The following ERBB4 variants were observed in gnomAD, a reference collection of about 807,000 sequenced individuals.
ERBB4 encodes erb-b2 receptor tyrosine kinase 4.
Under a neutral mutation model 158.0 loss-of-function variants are expected in ERBB4, and 42 were observed. The observed-to-expected ratio is 0.27, with a 90% CI of 0.21 to 0.34. The LOEUF is 0.34. ERBB4 is among the 10% of genes least tolerant of loss of function. The probability of loss-of-function intolerance (pLI) is 1.00; values close to 1 mark genes in which losing one functional copy is unlikely to be tolerated. For synonymous variants in ERBB4, 583 were observed against 558.7 expected (o/e 1.04, Z -0.61); for missense variants, 1,333 against 1,624.1 (o/e 0.82, Z 3.08).
At chr2:211,767,905 C>T (rs1233247626) in intron 4 of ERBB4, among the ~76,000 whole-genome samples, 1 of 152,168 alleles carries the variant, frequency 6.6e-6, no homozygotes, top group African/African-American at 2.4e-5. Flanking sequence ...TAATCATGCC[C>T]TCCCAACAGA....
At chr2:211,686,069 AT>A (rs536483262) in intron 12 of ERBB4, among the ~76,000 whole-genome samples, 17 of 151,598 alleles carry the variant, frequency 1.1e-4, no homozygotes, top group African/African-American at 4.1e-4. Flanking sequence ...GAATAGAGAG[AT>A]TTTTTTTCCT....
chr2:211,893,735 C>T (rs2125012385), intron 3 of ERBB4, among the ~76,000 whole-genome samples: 1 of 121,734 alleles, frequency 8.2e-6, no homozygotes, highest in African/African-American at 3.7e-5. Flanking sequence ...ACAACCCCAT[C>T]AAAAAGTGGG....
At chr2:212,394,686 T>C (rs915948950) in intron 1 of ERBB4, among the ~76,000 whole-genome samples, 3 of 152,142 alleles carry the variant, frequency 2.0e-5, no homozygotes, top group Non-Finnish European at 1.5e-5. Flanking sequence ...ATTTTCTCTA[T>C]ACTTACCTTG....
chr2:211,847,769 A>G (rs949811421), intron 3 of ERBB4, among the ~76,000 whole-genome samples: 3 of 152,072 alleles, frequency 2.0e-5, no homozygotes, highest in Non-Finnish European at 4.4e-5. Flanking sequence ...CACTTCTATT[A>G]CCAGTAGTGC....
intron 2 of ERBB4, among the ~76,000 whole-genome samples, chr2:212,021,773 G>C (rs987843516): frequency 1.3e-5 from 2 of 151,896 alleles, no homozygotes; most frequent in African/African-American, 2.4e-5. Flanking sequence ...ACTATCATCA[G>C]AATGAACAGA....
intron 2 of ERBB4, among the ~76,000 whole-genome samples, chr2:211,996,001 T>G (rs1192682709): frequency 6.6e-6 from 1 of 152,198 alleles, no homozygotes; most frequent in Non-Finnish European, 1.5e-5. Context: ...AAGGTATTCT[T>G]GTTTGGGGCT....
At chr2:211,736,335 T>G (rs2074600712) in intron 5 of ERBB4, among the ~76,000 whole-genome samples, 2 of 152,220 alleles carry the variant, frequency 1.3e-5, no homozygotes, top group African/African-American at 2.4e-5. Context: ...GGAATAATGC[T>G]GAGCCTAATC....
intron 20 of ERBB4, among the ~76,000 whole-genome samples, chr2:211,557,670 G>A (rs762356377): frequency 2.7e-4 from 41 of 151,982 alleles, no homozygotes; most frequent in Admixed American, 9.2e-4. Context: ...TACATGGTGG[G>A]AGCATAAATT....
chr2:211,663,485 T>C (rs2071508672), intron 15 of ERBB4, among the ~76,000 whole-genome samples: 1 of 152,176 alleles, frequency 6.6e-6, no homozygotes, highest in Admixed American at 6.5e-5. Flanking sequence ...TGAGATTTCT[T>C]CCCCATTACA....
intron 16 of ERBB4, among the ~76,000 whole-genome samples, chr2:211,655,969 A>T (rs778218984): frequency 6.6e-6 from 1 of 152,364 alleles, no homozygotes; most frequent in Admixed American, 6.5e-5. Context: ...TATTTTAAAA[A>T]CATGTAAAGG....
chr2:212,292,311 A>G (rs2086235282), intron 1 of ERBB4, among the ~76,000 whole-genome samples: 1 of 152,144 alleles, frequency 6.6e-6, no homozygotes, highest in Admixed American at 6.5e-5. Context: ...CATCTTATAC[A>G]TAAAAAATGA....
chr2:212,054,342 T>C (rs533872953), intron 2 of ERBB4, among the ~76,000 whole-genome samples: 2 of 152,264 alleles, frequency 1.3e-5, no homozygotes, highest in Admixed American at 6.5e-5. Context: ...CTGGAACAGA[T>C]GTAGGCCACA....
intron 3 of ERBB4, among the ~76,000 whole-genome samples, chr2:211,813,554 GT>G (rs1559541309): frequency 6.6e-6 from 1 of 151,776 alleles, no homozygotes; most frequent in Non-Finnish European, 1.5e-5. Context: ...TTTCTATCCC[GT>G]TTATCTTTGC....
intron 1 of ERBB4, among the ~76,000 whole-genome samples, chr2:212,188,117 T>G (rs949058273): frequency 6.1e-5 from 9 of 148,750 alleles, no homozygotes; most frequent in African/African-American, 1.7e-4. Flanking sequence ...GTTGCTCAAG[T>G]CAGAGATCAG....
intron 1 of ERBB4, among the ~76,000 whole-genome samples, chr2:212,368,906 C>T (rs2089989325): frequency 6.6e-6 from 1 of 152,104 alleles, no homozygotes; most frequent in African/African-American, 2.4e-5. Flanking sequence ...AAGTGCGGCC[C>T]GTGGACCAGC....
chr2:212,421,320 T>C (rs2091787359), intron 1 of ERBB4, among the ~76,000 whole-genome samples: 2 of 152,162 alleles, frequency 1.3e-5, no homozygotes, highest in African/African-American at 4.8e-5. Context: ...TTCCACATTG[T>C]TCCTTCTGGA....
At chr2:211,977,010 T>C (rs983137068) in intron 2 of ERBB4, among the ~76,000 whole-genome samples, 2 of 152,132 alleles carry the variant, frequency 1.3e-5, no homozygotes, top group African/African-American at 4.8e-5. Flanking sequence ...TTTATGTAAA[T>C]ATGATTTAAG....
At chr2:211,862,551 G>A (rs560287113) in intron 3 of ERBB4, among the ~76,000 whole-genome samples, 110 of 151,886 alleles carry the variant, frequency 7.2e-4, no homozygotes, top group Non-Finnish European at 1.4e-3. Flanking sequence ...TGAAACTCTT[G>A]TCATTGCAAT....
chr2:211,826,432 T>C (rs1371202), intron 3 of ERBB4, among the ~76,000 whole-genome samples: 35,092 of 151,716 alleles, frequency 0.23, 4,207 homozygotes, highest in South Asian at 0.33. Context: ...TATATTTCAA[T>C]GCAGGTCCCT....
Sources: allele counts gnomAD v4.1 joint callset (sites outside exome capture counted in the v4.1 genomes callset), GRCh38; gene constraint gnomAD v4.1.1; transcripts MANE v1.5; gene names NCBI Gene and HGNC (gene_info 2026-07-23, HGNC 2026-07-21).